Variants in KCNIP4 observed in about 807,000 individuals in gnomAD.
KCNIP4 encodes the protein Kv channel-interacting protein 4.
Under a neutral mutation model 34.0 loss-of-function variants are expected in KCNIP4, and 12 were observed. That is an observed-to-expected ratio of 0.35 (90% CI 0.23 to 0.57). The LOEUF is 0.57. Among genes scored for constraint, KCNIP4 ranks in the 20% least tolerant of loss-of-function variants. The pLI, the probability that KCNIP4 is intolerant of heterozygous loss-of-function variation, is 0.83. For missense variants in KCNIP4, 238 were observed against 311.7 expected (o/e 0.76, Z 1.78); for synonymous variants, 124 against 102.2 (o/e 1.21, Z -1.29).
At chr4:21,361,536 A>ACT (rs1263926564) in intron 1 of KCNIP4, among the ~76,000 whole-genome samples, 5 of 152,042 alleles carry the variant, frequency 3.3e-5, no homozygotes, top group Non-Finnish European at 5.9e-5. Flanking sequence ...GGATTTGTTG[A>ACT]CTTGCAAATC....
chr4:21,187,772 T>C (rs183676858), intron 1 of KCNIP4, among the ~76,000 whole-genome samples: 2 of 152,142 alleles, frequency 1.3e-5, no homozygotes, highest in African/African-American at 4.8e-5. Context: ...CAATACATTC[T>C]GACAACACAC....
chr4:21,233,699 T>G (rs1039722313), intron 1 of KCNIP4, among the ~76,000 whole-genome samples: 3 of 151,256 alleles, frequency 2.0e-5, no homozygotes, highest in African/African-American at 7.3e-5. Flanking sequence ...ACTGTAAGAT[T>G]TCTTAGAGAC....
chr4:20,731,358 G>T (rs1249485299), intron 8 of KCNIP4: 41 of 974,376 alleles, frequency 4.2e-5, no homozygotes, highest in Non-Finnish European at 5.0e-5. Flanking sequence ...ACAGTTGTGA[G>T]CTACTGTACC....
At chr4:21,378,523 G>A (rs1182684723) in intron 1 of KCNIP4, among the ~76,000 whole-genome samples, 4 of 152,016 alleles carry the variant, frequency 2.6e-5, no homozygotes, top group East Asian at 1.9e-4. Flanking sequence ...TCCAAAAGTC[G>A]GCAGGTGATT....
chr4:21,462,179 C>A (rs779522007), intron 1 of KCNIP4, among the ~76,000 whole-genome samples: 3 of 152,066 alleles, frequency 2.0e-5, no homozygotes, highest in Non-Finnish European at 4.4e-5. Flanking sequence ...CCCCATGAAC[C>A]ATTTTCTACC....
At chr4:21,636,300 G>A (rs868009932) in intron 1 of KCNIP4, among the ~76,000 whole-genome samples, 34 of 143,380 alleles carry the variant, frequency 2.4e-4, no homozygotes, top group South Asian at 6.5e-4. Context: ...TAAAAAAAAA[G>A]GAAAAAAAAA....
At chr4:21,362,353 G>T (rs984940405) in intron 1 of KCNIP4, among the ~76,000 whole-genome samples, 1 of 152,082 alleles carries the variant, frequency 6.6e-6, no homozygotes, top group Admixed American at 6.6e-5. Flanking sequence ...TCCTGACCCA[G>T]AACTTGCCAT....
At chr4:20,914,228 T>C (rs1275394444) in intron 1 of KCNIP4, among the ~76,000 whole-genome samples, 1 of 152,134 alleles carries the variant, frequency 6.6e-6, no homozygotes, top group Non-Finnish European at 1.5e-5. Context: ...GCTATTACCA[T>C]TAAAGCAATT....
intron 1 of KCNIP4, among the ~76,000 whole-genome samples, chr4:21,556,624 C>CA (rs1739032005): frequency 6.6e-6 from 1 of 151,910 alleles, no homozygotes; most frequent in South Asian, 2.1e-4. Context: ...AATACTACTT[C>CA]AAAAATACAT....
Position 21,166,879 on chromosome 4 carries a change from C to T in KCNIP4, c.62-284170G>A, listed in dbSNP as rs147660738. ...GCTTGAACCTGGGAGGTGGAGGTTG[C>T]AGTGAGCTGAGATCACGCCATTGCA... On this transcript the variant is annotated intron_variant, in intron 1 of 8. Transcript: ENST00000382152. 2.1e-3 allele frequency among the ~76,000 whole-genome samples: 267 copies of T among 127,696 alleles called. 2 individuals are homozygous for T. The highest frequency in any genetic ancestry group is 7.5e-3 in the African/African-American group (250 of 33,196). 83.8% of individuals were successfully genotyped at this position (127,696 alleles called of 152,430 possible). A position where few individuals can be genotyped will look rare whatever the true frequency, so the allele number is the denominator to read the frequency against.
chr4:20,806,973 T>C (rs920296086), intron 3 of KCNIP4, among the ~76,000 whole-genome samples: 2 of 152,114 alleles, frequency 1.3e-5, no homozygotes, highest in African/African-American at 4.8e-5. Flanking sequence ...AATTCTGCTG[T>C]TTTGCTGAAA....
chr4:20,933,424 T>C (rs938843251), intron 1 of KCNIP4, among the ~76,000 whole-genome samples: 1 of 152,164 alleles, frequency 6.6e-6, no homozygotes, highest in Non-Finnish European at 1.5e-5. Context: ...TCTAAGTTAA[T>C]GAGAATACTG....
intron 1 of KCNIP4, among the ~76,000 whole-genome samples, chr4:21,535,104 T>G (rs1018469442): frequency 1.3e-5 from 2 of 152,144 alleles, no homozygotes; most frequent in South Asian, 2.1e-4. Context: ...CTACTTAGTC[T>G]GTAAGCAAAA....
intron 1 of KCNIP4, among the ~76,000 whole-genome samples, chr4:21,563,468 C>T (rs1052857893): frequency 6.6e-6 from 1 of 152,072 alleles, no homozygotes; most frequent in South Asian, 2.1e-4. Context: ...ACTTGCATTA[C>T]ATATCTTTCC....
chr4:21,866,259 A>G (rs1463572741), intron 1 of KCNIP4, among the ~76,000 whole-genome samples: 1 of 152,208 alleles, frequency 6.6e-6, no homozygotes, highest in Admixed American at 6.5e-5. Context: ...AATCACAGCA[A>G]GTCTTCTCCA....
chr4:21,476,960 G>A (rs1311630413), intron 1 of KCNIP4, among the ~76,000 whole-genome samples: 1 of 152,102 alleles, frequency 6.6e-6, no homozygotes, highest in African/African-American at 2.4e-5. Flanking sequence ...ACTGTCCTAG[G>A]TGCTGAAGAT....
chr4:20,748,561 T>A (rs1404546672), intron 5 of KCNIP4, among the ~76,000 whole-genome samples: 29 of 1,128 alleles, frequency 0.026, no homozygotes, highest in East Asian at 0.038. Flanking sequence ...TTCCAAATTT[T>A]ATATATATAT....
chr4:21,157,646 G>T (rs1753241380), intron 1 of KCNIP4, among the ~76,000 whole-genome samples: 1 of 152,012 alleles, frequency 6.6e-6, no homozygotes. Context: ...AAAAACACAT[G>T]ATATCAAAAT....
rs374523097 is a variant in KCNIP4, at chr4:21,918,729, C to G, written c.61+29842G>C. On this transcript the variant is annotated intron_variant, in intron 1 of 8. Transcript: ENST00000382152. ...CATTCAGCTAAAAAAAATAAGAAACCTTTGGTTTTAAGACAGTGTCCGGTC... is the reference window on the plus strand; with the variant it reads ...CATTCAGCTAAAAAAAATAAGAAACGTTTGGTTTTAAGACAGTGTCCGGTC... Among the ~76,000 whole-genome samples, 3 of 152,150 alleles carry G rather than the reference C, an allele frequency of 2.0e-5. No homozygotes were observed. The East Asian group carries it at 5.8e-4, about 29-fold the overall frequency.
Sources: gnomAD v4.1 joint callset for allele counts (sites outside exome capture counted in the v4.1 genomes callset) on GRCh38, gnomAD v4.1.1 for gene constraint, MANE v1.5 for transcripts, NCBI Gene and HGNC (gene_info 2026-07-23, HGNC 2026-07-21) for gene names.